CRACR2A: variants seen among roughly 807,000 people sequenced by gnomAD.
The protein encoded by CRACR2A is calcium release activated channel regulator 2A, also known as EF-hand calcium-binding domain-containing protein 4B.
In CRACR2A, 79 loss-of-function variants were observed where a neutral mutation model predicts 90.5. That is an observed-to-expected ratio of 0.87 (90% CI 0.73 to 1.05). The LOEUF (loss-of-function observed/expected upper bound fraction) is 1.05, where lower values mean the gene tolerates loss of function less well. Ranked by LOEUF, CRACR2A falls within the 50% of genes least tolerant of loss-of-function variation. The pLI, the probability that CRACR2A is intolerant of heterozygous loss-of-function variation, is 0.00. For missense variants in CRACR2A, 823 were observed against 897.2 expected (o/e 0.92, Z 1.06); for synonymous variants, 338 against 356.7 (o/e 0.95, Z 0.59).
At position 3,699,956 on chromosome 12, in the gene CRACR2A, T is replaced by A. The variant is rs571617722; in HGVS notation, c.-36-2921A>T. Among the ~76,000 whole-genome samples, 225 of 152,248 alleles carry A rather than the reference T, an allele frequency of 1.5e-3. 2 individuals carry two copies. The highest frequency in any genetic ancestry group is 2.7e-3 in the Non-Finnish European group (186 of 68,006). On this transcript the variant is annotated intron_variant, in intron 3 of 19. Coordinates refer to ENST00000440314, the MANE Select transcript of CRACR2A (RefSeq NM_001144958.2). ...ACTTCTGTTTCCAGAAAAGATGTAG[T>A]ATCAGAGGCTGGATTTACCCTCCCA...
intron 19 of CRACR2A, among the ~76,000 whole-genome samples, chr12:3,615,815 A>T (rs1591628385): frequency 6.6e-6 from 1 of 152,132 alleles, no homozygotes; most frequent in Non-Finnish European, 1.5e-5. Flanking sequence ...GTTGCTTGGG[A>T]CTGAGACTTA....
intron 4 of CRACR2A, among the ~76,000 whole-genome samples, chr12:3,696,493 T>A (rs61908570): frequency 0.13 from 19,455 of 152,194 alleles, 1,533 homozygotes; most frequent in Middle Eastern, 0.19. Flanking sequence ...CGTGTCTTAC[T>A]TAAGTCCCTT....
intron 2 of CRACR2A, among the ~76,000 whole-genome samples, chr12:3,714,453 T>C (rs1946054098): frequency 1.3e-5 from 2 of 152,164 alleles, no homozygotes; most frequent in African/African-American, 4.8e-5. Context: ...ATGGGGAGAC[T>C]TCACTCTCTG....
At chr12:3,634,045 G>A (rs1462970005) in intron 14 of CRACR2A, among the ~76,000 whole-genome samples, 1 of 152,202 alleles carries the variant, frequency 6.6e-6, no homozygotes, top group South Asian at 2.1e-4. Flanking sequence ...GAGGCAGCAC[G>A]CTCACGGATA....
At position 3,696,818 on chromosome 12, in the gene CRACR2A, G is replaced by C; in HGVS notation, c.182C>G (p.Thr61Ser). 1 of 1,614,160 alleles carries C rather than the reference G, an allele frequency of 6.2e-7. No individual in the cohort carries two copies. Among genetic ancestry groups the C allele is most frequent in the Non-Finnish European group, 8.5e-7 (1 of 1,180,028 alleles). Residue 61 changes from threonine to serine, a missense_variant, in exon 4 of 20, where the codon ACC (threonine) becomes AGC (serine). Physicochemically the swap from Thr to Ser is moderately conservative, Grantham distance 58. Coordinates refer to ENST00000440314, the MANE Select transcript of CRACR2A (RefSeq NM_001144958.2). ...GAAGCCCTTGCCTTCAGCATCACAG[G>C]TCTGAAAGAACTCCTGTGCCTTCCT... ...MLRKAQEFFQ[T>S]CDAEGKGFIA...
intron 4 of CRACR2A, 71 bp from the exon 5 acceptor site, chr12:3,680,420 A>G: frequency 1.5e-6 from 2 of 1,343,928 alleles, no homozygotes; most frequent in Non-Finnish European, 2.1e-6. Context: ...GGGACTGCAG[A>G]GCCTTCTGCC....
intron 1 of CRACR2A, among the ~76,000 whole-genome samples, chr12:3,747,187 G>T (rs115169728): frequency 1.4e-4 from 21 of 152,326 alleles, no homozygotes; most frequent in African/African-American, 3.6e-4. Flanking sequence ...CCTCTTATCA[G>T]CTGTGTGACC....
chr12:3,634,903 C>T (rs1031161051), intron 14 of CRACR2A, among the ~76,000 whole-genome samples: 3 of 152,142 alleles, frequency 2.0e-5, no homozygotes, highest in Admixed American at 6.5e-5. Context: ...ACTATGCCTC[C>T]TGCCCCATTT....
chr12:3,684,351 T>C (rs1945515272), intron 4 of CRACR2A, among the ~76,000 whole-genome samples: 1 of 152,142 alleles, frequency 6.6e-6, no homozygotes, highest in Non-Finnish European at 1.5e-5. Context: ...CTTGATGTGC[T>C]TGGCTTGGGC....
At chr12:3,720,587 T>C (rs1331765080) in intron 2 of CRACR2A, among the ~76,000 whole-genome samples, 2 of 152,196 alleles carry the variant, frequency 1.3e-5, no homozygotes, top group Non-Finnish European at 2.9e-5. Context: ...TGTTAATCCC[T>C]CACAACATTC....
chr12:3,740,480 A>G (rs529125317), intron 1 of CRACR2A, among the ~76,000 whole-genome samples: 2 of 152,330 alleles, frequency 1.3e-5, no homozygotes, highest in South Asian at 4.1e-4. Flanking sequence ...GTCCTTGGGC[A>G]AGCCACTTAA....
At chr12:3,615,525 C>T in intron 19 of CRACR2A, 86 bp from the exon 20 acceptor site, 4 of 1,169,394 alleles carry the variant, frequency 3.4e-6, no homozygotes, top group Non-Finnish European at 4.8e-6. Context: ...CCTCAGGTTA[C>T]AGGTCATCTG....
At chr12:3,670,304 G>T (rs1044995156) in intron 7 of CRACR2A, among the ~76,000 whole-genome samples, 1 of 152,108 alleles carries the variant, frequency 6.6e-6, no homozygotes, top group African/African-American at 2.4e-5. Flanking sequence ...GTGTGGAGGC[G>T]CCTGGGAGAT....
chr12:3,636,342 G>C (rs1944453978), intron 14 of CRACR2A, among the ~76,000 whole-genome samples: 1 of 152,232 alleles, frequency 6.6e-6, no homozygotes. Flanking sequence ...GTGGCTGCTA[G>C]TGAATCATAC....
intron 1 of CRACR2A, among the ~76,000 whole-genome samples, chr12:3,745,051 AAAG>A (rs1392411639): frequency 1.3e-5 from 2 of 152,158 alleles, no homozygotes; most frequent in Non-Finnish European, 2.9e-5. Context: ...AAAATAACAT[AAAG>A]AAGAGTTGGA....
chr12:3,698,899 G>A lies in CRACR2A; in HGVS notation c.-36-1864C>T, dbSNP rs114890334. Among the ~76,000 whole-genome samples, 1,180 of 152,202 alleles carry A rather than the reference G, an allele frequency of 7.8e-3. 17 individuals are homozygous for A. The highest frequency in any genetic ancestry group is 0.027 in the African/African-American group (1,119 of 41,508). On this transcript the variant is annotated intron_variant, in intron 3 of 19. Coordinates refer to ENST00000440314, the MANE Select transcript of CRACR2A (RefSeq NM_001144958.2). ...GAGCAGAACAGGCTGTTGTCTTCCT[G>A]GTACCTTGCCGGGACTCTGTCTGCA...
At chr12:3,687,474 T>G (rs971377267) in intron 4 of CRACR2A, among the ~76,000 whole-genome samples, 2 of 152,206 alleles carry the variant, frequency 1.3e-5, no homozygotes, top group Non-Finnish European at 2.9e-5. Flanking sequence ...CTGAATTAGT[T>G]TGCTATGGAT....
intron 19 of CRACR2A, among the ~76,000 whole-genome samples, chr12:3,616,360 A>G (rs950833313): frequency 3.9e-5 from 6 of 152,264 alleles, no homozygotes; most frequent in Admixed American, 2.0e-4. Flanking sequence ...TGAATGAGTG[A>G]ATTCTTAAGT....
chr12:3,721,433 CA>C (rs1164306517), intron 2 of CRACR2A, among the ~76,000 whole-genome samples: 1 of 149,294 alleles, frequency 6.7e-6, no homozygotes, highest in African/African-American at 2.5e-5. Context: ...AGAGAGAGAG[CA>C]AAAGAAAAAA....
Sources: gnomAD v4.1 joint callset for allele counts (sites outside exome capture counted in the v4.1 genomes callset) on GRCh38, gnomAD v4.1.1 for gene constraint, MANE v1.5 for transcripts, NCBI Gene and HGNC (gene_info 2026-07-23, HGNC 2026-07-21) for gene names.